The following ZNF444 variants were observed in gnomAD, a reference collection of about 807,000 sequenced individuals.
The protein encoded by ZNF444 is zinc finger protein 444.
A neutral mutation model predicts 14.4 loss-of-function variants in ZNF444; 8 were observed. The ratio of observed to expected loss-of-function variants is 0.56; its 90% CI spans 0.33 to 1.00. The LOEUF (loss-of-function observed/expected upper bound fraction) is 1.00. Among genes scored for constraint, ZNF444 ranks in the 50% least tolerant of loss-of-function variants. The pLI, the probability that ZNF444 is intolerant of heterozygous loss-of-function variation, is 0.03. For synonymous variants in ZNF444, 258 were observed against 235.9 expected, an observed-to-expected ratio of 1.09 and a Z score of -0.86; for missense variants, 510 against 504.8, an observed-to-expected ratio of 1.01 and a Z score of -0.10.
At chr19:56,152,160 C>T (rs984700495) in intron 3 of ZNF444, among the ~76,000 whole-genome samples, 2 of 152,072 alleles carry the variant, frequency 1.3e-5, no homozygotes, top group Non-Finnish European at 2.9e-5. Flanking sequence ...GGCAAAACTG[C>T]GTCTCTACTA....
chr19:56,144,887 G>T lies in ZNF444; in HGVS notation c.-196-1360G>T, dbSNP rs2031072662. Among the ~76,000 whole-genome samples, 1 of 152,380 alleles carries T rather than the reference G, an allele frequency of 6.6e-6. No homozygotes were observed. The highest frequency in any genetic ancestry group is 1.9e-4 in the East Asian group (1 of 5,190). On this transcript the variant is annotated intron_variant, in intron 1 of 4. Coordinates refer to ENST00000337080, the MANE Select transcript of ZNF444 (RefSeq NM_018337.4). The surrounding 1 kb of genome is among the most constrained non-coding windows in gnomAD (Gnocchi z 4.0). ...GCGCCTGAGCCCCATGGGGTCATCA[G>T]GGTCCCTTCTGTCTTGATCTTCCAG... is the stretch of plus-strand genomic sequence containing the variant.
chr19:56,159,823 G>T lies in ZNF444; in HGVS notation c.606G>T (p.Ser202=), dbSNP rs752476973. The T allele has an allele frequency of 1.9e-6, 3 of 1,576,098 alleles. No homozygotes were observed. Among genetic ancestry groups the T allele is most frequent in the East Asian group, 2.3e-5 (1 of 43,220 alleles). ...AHLLRHRQSH[S]GEKPHACPEC... is the part of the protein sequence containing the mutation. ...TGCTGCGCCACCGGCAGAGCCACTC[G>T]GGCGAGAAGCCGCACGCCTGCCCTG... is the stretch of plus-strand genomic sequence containing the variant. Residue 202 remains serine, a synonymous_variant, in exon 5 of 5, where the codon TCG becomes TCT. Coordinates refer to ENST00000337080, the MANE Select transcript of ZNF444 (RefSeq NM_018337.4).
At position 56,133,541 on chromosome 19, in the gene ZNF444, G is replaced by T. The variant is rs576918166; in HGVS notation, c.-197+763G>T. Among the ~76,000 whole-genome samples, 104 of 151,834 alleles carry T rather than the reference G, an allele frequency of 6.8e-4. 1 individual carries two copies. The East Asian group carries it at 0.02, about 30-fold the overall frequency. On this transcript the variant is annotated intron_variant, in intron 1 of 2. Coordinates refer to the ZNF444 transcript ENST00000587467. ...ATGGGGTGATTCTCAGGCCGGGCGC[G>T]ATGGCTCACGCCTGTAATCCCAGCA...
At chr19:56,135,997 G>A (rs1015440040) in intron 1 of ZNF444, among the ~76,000 whole-genome samples, 13 of 134,958 alleles carry the variant, frequency 9.6e-5, no homozygotes, top group Admixed American at 1.7e-4. Flanking sequence ...CAGGAGAATC[G>A]CTTCAACCCA....
At chr19:56,141,030 TG>T (rs2123459485), upstream of ZNF444, 1 of 152,292 alleles carries the variant, frequency 6.6e-6, no homozygotes, top group African/African-American at 2.4e-5. Context: ...CCAAATAGGC[TG>T]CAGACGACGC....
rs1267568631 is a variant in ZNF444 at position 56,147,854 on chromosome 19, TTTC to T, written c.297+649_297+651del. On this transcript the variant is annotated intron_variant, in intron 3 of 4. Transcript: ENST00000337080. This position sits in a 1 kb window ranked among gnomAD's most constrained non-coding sequence, Gnocchi z 5.9. ...GCCAGGCCTCTCTGGGCAGGTTTGG[TTTC>T]TTGACCACACAGCAGGCAAGGGCCG... Among the ~76,000 whole-genome samples the T allele has an allele frequency of 1.3e-5, 2 of 152,062 alleles. No homozygotes were observed. The highest frequency in any genetic ancestry group is 2.9e-5 in the Non-Finnish European group (2 of 67,998).
upstream of ZNF444, among the ~76,000 whole-genome samples, chr19:56,139,746 C>T (rs766667965): frequency 1.1e-4 from 16 of 149,784 alleles, no homozygotes; most frequent in Non-Finnish European, 2.2e-4. Flanking sequence ...GAATCAAGGG[C>T]TGCTTTTCTA....
chr19:56,148,927 C>T (rs552541449), intron 3 of ZNF444, among the ~76,000 whole-genome samples: 4 of 152,334 alleles, frequency 2.6e-5, no homozygotes, highest in African/African-American at 9.6e-5. Flanking sequence ...GGAGAGAATC[C>T]GTTTCCGGCC....
At chr19:56,148,970 CG>C (rs1207421876) in intron 3 of ZNF444, among the ~76,000 whole-genome samples, 2 of 152,162 alleles carry the variant, frequency 1.3e-5, no homozygotes, top group African/African-American at 4.8e-5. Context: ...CCGCATTCCT[CG>C]GCTCATGGCC....
intron 4 of ZNF444, 62 bp from the exon 5 acceptor site, chr19:56,159,562 C>G (rs2032138227): frequency 2.2e-6 from 3 of 1,369,694 alleles, no homozygotes; most frequent in East Asian, 5.3e-5. Context: ...TCCACCCCAG[C>G]CTGTGCTGTC....
At chr19:56,138,494 G>A (rs143032050), upstream of ZNF444, among the ~76,000 whole-genome samples, 137 of 152,208 alleles carry the variant, frequency 9.0e-4, no homozygotes, top group East Asian at 8.3e-3. Context: ...TTAGCTGGGC[G>A]TGGTTGTGTG....
At chr19:56,139,621 G>T (rs2030696095), upstream of ZNF444, among the ~76,000 whole-genome samples, 1 of 151,752 alleles carries the variant, frequency 6.6e-6, no homozygotes, top group African/African-American at 2.4e-5. Flanking sequence ...GGGAGTCGGA[G>T]GTTGCAGTGA....
chr19:56,158,622 G>A lies in ZNF444; in HGVS notation c.406+20G>A. 1.3e-6 allele frequency: 2 copies of A among 1,583,558 alleles called. No individual in the cohort carries two copies. Among genetic ancestry groups the A allele is most frequent in the Non-Finnish European group, 1.7e-6 (2 of 1,162,776 alleles). On this transcript the variant is annotated intron_variant, in intron 4 of 4. Coordinates refer to ENST00000337080, the MANE Select transcript of ZNF444 (RefSeq NM_018337.4). ...CCTTAGGTGAGCTGCTGGCCTCTCT[G>A]GTTCTCCCCGCCAGCCCCCAGCACC...
At chr19:56,140,002 G>A (rs1251761270), upstream of ZNF444, among the ~76,000 whole-genome samples, 2 of 152,192 alleles carry the variant, frequency 1.3e-5, no homozygotes, top group Admixed American at 6.5e-5. Flanking sequence ...TTAAACACGA[G>A]GAGAAGACAG....
rs1185337325 is a variant in ZNF444 at position 56,160,484 on chromosome 19, T to TC, written c.*289dup. The TC allele has an allele frequency of 1.9e-5, 7 of 363,148 alleles. No individual in the cohort carries two copies. Among genetic ancestry groups the TC allele is most frequent in the Non-Finnish European group, 3.5e-5 (7 of 202,104 alleles). The allele number at this position is 363,148 out of a possible 1,614,324, so 22.5% of individuals were successfully genotyped here. ...GGGCCTCTCCCTAATGTCTCCTCCT[T>TC]CCCCCCTCTTCTCTCTCCTGCGGCC... On this transcript the variant is annotated 3_prime_UTR_variant, in exon 5 of 5. Coordinates refer to ENST00000337080, the MANE Select transcript of ZNF444 (RefSeq NM_018337.4).
At chr19:56,134,264 A>G (rs1284928368) in intron 1 of ZNF444, among the ~76,000 whole-genome samples, 1 of 152,234 alleles carries the variant, frequency 6.6e-6, no homozygotes, top group African/African-American at 2.4e-5. Flanking sequence ...TAGCAGAGCT[A>G]CAAAGGAGCC....
chr19:56,133,907 C>G (rs1380723732), intron 1 of ZNF444, among the ~76,000 whole-genome samples: 1 of 152,078 alleles, frequency 6.6e-6, no homozygotes, highest in Non-Finnish European at 1.5e-5. Flanking sequence ...TGTGATCCAT[C>G]ATTAAGCAAT....
At chr19:56,138,685 G>A (rs1046055762), upstream of ZNF444, among the ~76,000 whole-genome samples, 1 of 152,192 alleles carries the variant, frequency 6.6e-6, no homozygotes, top group East Asian at 1.9e-4. Flanking sequence ...CCAGGAGCTC[G>A]GGGGAGAGAG....
chr19:56,138,227 T>G (rs941022518), upstream of ZNF444, among the ~76,000 whole-genome samples: 3 of 152,160 alleles, frequency 2.0e-5, no homozygotes, highest in Non-Finnish European at 4.4e-5. Flanking sequence ...TGACATACAC[T>G]ACAACATGGA....
Sources: allele counts gnomAD v4.1 joint callset (sites outside exome capture counted in the v4.1 genomes callset), GRCh38; gene constraint gnomAD v4.1.1; non-coding constraint Gnocchi (gnomAD v3.1); transcripts MANE v1.5; gene names NCBI Gene and HGNC (gene_info 2026-07-23, HGNC 2026-07-21).